PRORP: variants seen among roughly 807,000 people sequenced by gnomAD.
PRORP encodes the protein protein only RNase P catalytic subunit, also known as mitochondrial ribonuclease P catalytic subunit.
PRORP carries 51 observed loss-of-function variants against 59.4 expected under a neutral mutation model. The ratio of observed to expected loss-of-function variants is 0.86; its 90% CI spans 0.69 to 1.08. PRORP has a LOEUF of 1.08. PRORP is among the 50% of genes least tolerant of loss of function. The pLI, the probability that PRORP is intolerant of heterozygous loss-of-function variation, is 0.00. For synonymous variants in PRORP, 231 were observed against 245.6 expected (o/e 0.94, Z 0.55); for missense variants, 646 against 690.3 (o/e 0.94, Z 0.72).
intron 5 of PRORP, among the ~76,000 whole-genome samples, chr14:35,194,508 G>A (rs2048961192): frequency 6.6e-6 from 1 of 152,046 alleles, no homozygotes; most frequent in South Asian, 2.1e-4. Context: ...ACAGGGAGGG[G>A]AGCATCACAC....
At chr14:35,178,704 C>T (rs1031526449) in intron 4 of PRORP, among the ~76,000 whole-genome samples, 1 of 152,138 alleles carries the variant, frequency 6.6e-6, no homozygotes, top group African/African-American at 2.4e-5. Flanking sequence ...TCCAGTTTGC[C>T]AGACTGTGTC....
chr14:35,219,974 A>G lies in PRORP; in HGVS notation c.1275+39197A>G, dbSNP rs569501012. Among the ~76,000 whole-genome samples the G allele has an allele frequency of 1.1e-4, 17 of 152,284 alleles. 1 individual carries two copies. The South Asian group carries it at 3.5e-3, about 32-fold the overall frequency. On this transcript the variant is annotated intron_variant, in intron 5 of 7. Coordinates refer to ENST00000534898, the MANE Select transcript of PRORP (RefSeq NM_014672.4). ...AATTCCCTGCCGCCATCTTCTCACAACTGCTTTCTCTGTGTGTTGTCTCTT... is the reference window on the plus strand; with the variant it reads ...AATTCCCTGCCGCCATCTTCTCACAGCTGCTTTCTCTGTGTGTTGTCTCTT...
chr14:35,196,287 C>T (rs777576843), intron 5 of PRORP, among the ~76,000 whole-genome samples: 1 of 152,132 alleles, frequency 6.6e-6, no homozygotes, highest in South Asian at 2.1e-4. Context: ...CCGGCCTGGG[C>T]AACATAGTGA....
intron 4 of PRORP, among the ~76,000 whole-genome samples, chr14:35,175,111 A>G (rs1207135766): frequency 1.3e-5 from 2 of 151,768 alleles, no homozygotes; most frequent in African/African-American, 4.8e-5. Context: ...CATGGTGTAT[A>G]TGTGCCACAT....
chr14:35,183,054 T>G (rs570395372), intron 5 of PRORP, among the ~76,000 whole-genome samples: 5 of 152,126 alleles, frequency 3.3e-5, no homozygotes, highest in Non-Finnish European at 5.9e-5. Flanking sequence ...TGTGGAACAG[T>G]TGTCAGAATA....
chr14:35,183,236 AC>A (rs2048662011), intron 5 of PRORP, among the ~76,000 whole-genome samples: 1 of 151,952 alleles, frequency 6.6e-6, no homozygotes, highest in South Asian at 2.1e-4. Flanking sequence ...ACACACACAC[AC>A]ACGCACACAC....
chr14:35,202,392 C>CA (rs2049179195), intron 5 of PRORP, among the ~76,000 whole-genome samples: 1 of 152,084 alleles, frequency 6.6e-6, no homozygotes, highest in Non-Finnish European at 1.5e-5. Flanking sequence ...CACTTGGTGT[C>CA]ACAATTTTGC....
chr14:35,262,473 C>A, intron 5 of PRORP: 1 of 489,362 alleles, frequency 2.0e-6, no homozygotes, highest in Non-Finnish European at 3.7e-6. Context: ...AGACCATTCT[C>A]AGCAACCAGA....
At position 35,132,028 on chromosome 14, in the gene PRORP, C is replaced by T. The variant is rs374102739; in HGVS notation, c.1167+4417C>T. Among the ~76,000 whole-genome samples the T allele has an allele frequency of 7.3e-5, 11 of 150,236 alleles. No homozygotes were observed. The East Asian group carries it at 1.2e-3, about 17-fold the overall frequency. On this transcript the variant is annotated intron_variant, in intron 4 of 7. Coordinates refer to ENST00000534898, the MANE Select transcript of PRORP (RefSeq NM_014672.4). Reference sequence around the variant, plus strand: ...CTAATTTTTGTATTTTTAGTAGCGACGGGTTTCACCATGTTGGCCAGGCTG... The same window carrying T: ...CTAATTTTTGTATTTTTAGTAGCGATGGGTTTCACCATGTTGGCCAGGCTG...
At chr14:35,178,551 A>G (rs1801041871) in intron 4 of PRORP, among the ~76,000 whole-genome samples, 1 of 152,138 alleles carries the variant, frequency 6.6e-6, no homozygotes, top group African/African-American at 2.4e-5. Flanking sequence ...TTTATCAGAG[A>G]CTAGGATTGC....
chr14:35,253,760 CTCCT>C (rs2050677525), intron 5 of PRORP, among the ~76,000 whole-genome samples: 1 of 152,042 alleles, frequency 6.6e-6, no homozygotes, highest in Non-Finnish European at 1.5e-5. Context: ...TCTTGAAATG[CTCCT>C]TATAGTCTCT....
chr14:35,260,581 A>G (rs995162545), intron 5 of PRORP, among the ~76,000 whole-genome samples: 1 of 152,270 alleles, frequency 6.6e-6, no homozygotes, highest in African/African-American at 2.4e-5. Flanking sequence ...CCTAGGTGCC[A>G]TAGTGAATGT....
intron 5 of PRORP, among the ~76,000 whole-genome samples, chr14:35,207,300 CA>C (rs369025576): frequency 6.6e-6 from 1 of 152,332 alleles, no homozygotes; most frequent in East Asian, 1.9e-4. Context: ...AAAGACCTTA[CA>C]ATTCTGCTTT....
chr14:35,148,084 T>G (rs1359308492), intron 4 of PRORP, among the ~76,000 whole-genome samples: 1 of 152,236 alleles, frequency 6.6e-6, no homozygotes, highest in Non-Finnish European at 1.5e-5. Flanking sequence ...TGGTGTCAAC[T>G]TCTTCCAAAC....
At position 35,270,149 on chromosome 14, in the gene PRORP, T is replaced by C. The variant is rs111996291; in HGVS notation, c.1425-252T>C. On this transcript the variant is annotated intron_variant, in intron 6 of 7. Transcript: ENST00000534898. Reference sequence around the variant, plus strand: ...AGAGCATTGTTAGAATTCATCGTTCTAGTGGAAGAGTCCAGTGAGCTGTGA... The same window carrying C: ...AGAGCATTGTTAGAATTCATCGTTCCAGTGGAAGAGTCCAGTGAGCTGTGA... Among the ~76,000 whole-genome samples the C allele has an allele frequency of 5.7e-3, 864 of 152,348 alleles. 8 individuals are homozygous for C. The highest frequency in any genetic ancestry group is 0.02 in the African/African-American group (834 of 41,582).
intron 5 of PRORP, among the ~76,000 whole-genome samples, chr14:35,189,396 G>C (rs1208327711): frequency 6.7e-6 from 1 of 149,180 alleles, no homozygotes; most frequent in Non-Finnish European, 1.5e-5. Flanking sequence ...ATATTTCCCT[G>C]GTTTCAATTT....
chr14:35,198,771 C>T (rs1244684548), intron 5 of PRORP, among the ~76,000 whole-genome samples: 5 of 152,188 alleles, frequency 3.3e-5, no homozygotes, highest in African/African-American at 7.2e-5. Flanking sequence ...CAGTGGCTCA[C>T]GCCTGTAATC....
At chr14:35,219,366 A>G (rs1435695036) in intron 5 of PRORP, 2 of 152,102 alleles carry the variant, frequency 1.3e-5, no homozygotes, top group African/African-American at 4.8e-5. Context: ...CTGCCTTCCT[A>G]CTCAGATTTT....
intron 4 of PRORP, among the ~76,000 whole-genome samples, chr14:35,179,109 C>A (rs562878687): frequency 6.6e-6 from 1 of 152,190 alleles, no homozygotes; most frequent in East Asian, 1.9e-4. Flanking sequence ...CCTAGAGATC[C>A]GCTGTTAGTC....
Sources: allele counts gnomAD v4.1 joint callset (sites outside exome capture counted in the v4.1 genomes callset), GRCh38; gene constraint gnomAD v4.1.1; transcripts MANE v1.5; gene names NCBI Gene and HGNC (gene_info 2026-07-23, HGNC 2026-07-21).